The following IFRD1 variants were observed in gnomAD, a reference collection of about 807,000 sequenced individuals.
The protein encoded by IFRD1 is interferon-related developmental regulator 1.
In IFRD1, 35 loss-of-function variants were observed where a neutral mutation model predicts 52.9. The observed-to-expected ratio is 0.66, with a 90% CI of 0.51 to 0.88. The LOEUF is 0.88. Ranked by LOEUF, IFRD1 falls within the 40% of genes least tolerant of loss-of-function variation. The pLI is 0.00. For missense variants in IFRD1, 517 were observed against 550.8 expected (o/e 0.94, Z 0.61); for synonymous variants, 184 against 188.4 (o/e 0.98, Z 0.19).
intron 1 of IFRD1, among the ~76,000 whole-genome samples, chr7:112,428,511 T>G (rs754864433): frequency 2.1e-5 from 3 of 145,884 alleles, no homozygotes; most frequent in South Asian, 4.4e-4. Flanking sequence ...CTTAGGAAAT[T>G]AAATGGGCAT....
chr7:112,455,299 T>C (rs1047993153), intron 1 of IFRD1, among the ~76,000 whole-genome samples: 9 of 151,224 alleles, frequency 6.0e-5, no homozygotes, highest in African/African-American at 1.7e-4. Context: ...CTGACCAACA[T>C]GGTGAAACCC....
chr7:112,443,361 C>T (rs1451400551), intron 1 of IFRD1, among the ~76,000 whole-genome samples: 1 of 35,548 alleles, frequency 2.8e-5, no homozygotes, highest in Non-Finnish European at 5.7e-5. Context: ...ACTGCTTGAG[C>T]CCAGGAGTTT....
rs752085385 is a variant in IFRD1 at position 112,458,916 on chromosome 7, G to T, written c.465G>T (p.Gln155His). The change falls in exon 5 of 12, where the codon CAG becomes CAT. Residue 155 changes from glutamine to histidine, a missense_variant. By Grantham distance (24) the Gln-to-His change is conservative. Coordinates refer to ENST00000403825, the MANE Select transcript of IFRD1 (RefSeq NM_001550.4). ...CGTTAGCATCTGTTCTTTGTATTCA[G>T]CTGGGCCCTGGAATTGAAAGTGAAG... ...AAALASVLCI[Q>H]LGPGIESEEI... The T allele has an allele frequency of 1.9e-6, 3 of 1,614,014 alleles. No individual in the cohort carries two copies.
intron 1 of IFRD1, among the ~76,000 whole-genome samples, chr7:112,439,142 A>G (rs1794797261): frequency 6.6e-6 from 1 of 152,196 alleles, no homozygotes; most frequent in African/African-American, 2.4e-5. Flanking sequence ...AAGGAAGGAA[A>G]TTCTCCAAAT....
chr7:112,442,971 T>C (rs952677292), intron 1 of IFRD1, among the ~76,000 whole-genome samples: 15 of 152,360 alleles, frequency 9.8e-5, no homozygotes, highest in South Asian at 4.1e-4. Context: ...ATGTGCTGAG[T>C]ACTGAGCTAA....
At chr7:112,461,229 C>T (rs1211956662) in intron 5 of IFRD1, 2 of 152,114 alleles carry the variant, frequency 1.3e-5, no homozygotes, top group East Asian at 1.9e-4. Context: ...ATTTCTGCTC[C>T]TGTGTGCTTA....
chr7:112,467,292 G>A (rs2117323946), intron 8 of IFRD1: 1 of 152,500 alleles, frequency 6.6e-6, no homozygotes, highest in South Asian at 2.1e-4. Flanking sequence ...AGCTAAATAA[G>A]TTTGACTCAT....
intron 1 of IFRD1, among the ~76,000 whole-genome samples, chr7:112,434,438 G>T (rs534833123): frequency 6.6e-6 from 1 of 152,248 alleles, no homozygotes; most frequent in Non-Finnish European, 1.5e-5. Flanking sequence ...AATGGCCCTG[G>T]ATCCCACAGC....
At chr7:112,423,296 C>T (rs1794361149) in exon 1 of IFRD1, 1 of 152,192 alleles carries the variant, frequency 6.6e-6, no homozygotes, top group African/African-American at 2.4e-5. Context: ...ACTGGTCAGG[C>T]TTTGGGCTGA....
chr7:112,432,219 G>A (rs1268826264), intron 1 of IFRD1, among the ~76,000 whole-genome samples: 1 of 152,154 alleles, frequency 6.6e-6, no homozygotes, highest in African/African-American at 2.4e-5. Context: ...AACTGTAAGT[G>A]GTACAGAGTG....
intron 5 of IFRD1, among the ~76,000 whole-genome samples, chr7:112,461,138 A>C (rs1430544517): frequency 6.6e-6 from 1 of 151,932 alleles, no homozygotes; most frequent in East Asian, 2.0e-4. Context: ...AGCATAATCC[A>C]GAATAAGTGA....
Position 112,461,990 on chromosome 7 carries a change from T to G in IFRD1, c.619-11T>G. 1 of 1,607,294 alleles carries G rather than the reference T, an allele frequency of 6.2e-7. No individual in the cohort carries two copies. Among genetic ancestry groups the G allele is most frequent in the African/African-American group, 1.3e-5 (1 of 74,848 alleles). ...AAGATGGTTATCTTACTTCATATTCTTATGCATTAGGAACTATACTCAACT... is the reference window on the plus strand; with the variant it reads ...AAGATGGTTATCTTACTTCATATTCGTATGCATTAGGAACTATACTCAACT... On this transcript the variant is annotated splice_polypyrimidine_tract_variant and intron_variant, in intron 6 of 11. Transcript: ENST00000403825.
chr7:112,461,948 G>A (rs1175598627), intron 6 of IFRD1, 32 bp downstream of exon 6: 2 of 1,602,034 alleles, frequency 1.2e-6, no homozygotes, highest in East Asian at 4.5e-5. Context: ...CTAGTTATCT[G>A]CAGTTATTTC....
At chr7:112,473,060 GTGTGTGTATA>G (rs930200663) in intron 11 of IFRD1, among the ~76,000 whole-genome samples, 199 bp downstream of exon 11, 13 of 34,284 alleles carry the variant, frequency 3.8e-4, no homozygotes, top group African/African-American at 9.5e-4. Context: ...GTGTGTGTGT[GTGTGTGTATA>G]TATGTGTCAG....
intron 1 of IFRD1, among the ~76,000 whole-genome samples, chr7:112,429,728 G>A (rs1794505860): frequency 1.3e-5 from 2 of 152,016 alleles, no homozygotes; most frequent in Admixed American, 1.3e-4. Flanking sequence ...CAATAAACAA[G>A]GCATATTCTT....
Position 112,467,974 on chromosome 7 carries a change from T to C in IFRD1, c.907-7T>C. The C allele has an allele frequency of 6.2e-7, 1 of 1,613,794 alleles. No homozygotes were observed. ...ATAAAGGAAACAAAATTGCTTTTCT[T>C]GTCCAGGACTTTTTTTATGAAGACA... On this transcript the variant is annotated splice_polypyrimidine_tract_variant and splice_region_variant and intron_variant, in intron 8 of 11. Transcript: ENST00000403825.
intron 4 of IFRD1, chr7:112,458,459 G>T: frequency 3.7e-6 from 1 of 268,570 alleles, no homozygotes; most frequent in East Asian, 9.4e-5. Flanking sequence ...CATCCGAAAT[G>T]CTTAGGAGAT....
chr7:112,436,162 G>A (rs948411784), intron 1 of IFRD1, among the ~76,000 whole-genome samples: 3 of 152,126 alleles, frequency 2.0e-5, no homozygotes, highest in Admixed American at 2.0e-4. Flanking sequence ...GATTACAGGC[G>A]TGAGCCACCG....
chr7:112,433,602 G>A (rs756650180), intron 1 of IFRD1, among the ~76,000 whole-genome samples: 2 of 152,192 alleles, frequency 1.3e-5, no homozygotes, highest in African/African-American at 2.4e-5. Context: ...GGGCAATCTA[G>A]TCCCCAGGCA....
Sources: gnomAD v4.1 joint callset for allele counts (sites outside exome capture counted in the v4.1 genomes callset) on GRCh38, gnomAD v4.1.1 for gene constraint, MANE v1.5 for transcripts, NCBI Gene and HGNC (gene_info 2026-07-23, HGNC 2026-07-21) for gene names.